Variants in SGCZ observed in about 807,000 individuals in gnomAD.
SGCZ encodes the protein sarcoglycan zeta.
A neutral mutation model predicts 41.3 loss-of-function variants in SGCZ; 40 were observed. The observed-to-expected ratio is 0.97, with a 90% CI of 0.75 to 1.26. The LOEUF is 1.26. Among genes scored for constraint, SGCZ ranks in the 50% most tolerant of loss-of-function variants. The pLI is 0.00. For synonymous variants in SGCZ, 206 were observed against 137.5 expected (o/e 1.50, Z -3.49); for missense variants, 552 against 369.8 (o/e 1.49, Z -4.04).
intron 5 of SGCZ, among the ~76,000 whole-genome samples, chr8:14,127,948 G>T (rs11993274): frequency 2.0e-5 from 3 of 152,034 alleles, no homozygotes; most frequent in East Asian, 1.9e-4. Flanking sequence ...GTAGACCAAA[G>T]TGTCTGTTGT....
chr8:15,096,723 G>C (rs1244456437), intron 1 of SGCZ, among the ~76,000 whole-genome samples: 1 of 151,562 alleles, frequency 6.6e-6, no homozygotes, highest in African/African-American at 2.4e-5. Context: ...GTCTCGCTCT[G>C]TCTCCAGGCT....
intron 1 of SGCZ, among the ~76,000 whole-genome samples, chr8:14,676,525 G>T (rs1003386223): frequency 1.3e-5 from 2 of 152,104 alleles, no homozygotes; most frequent in Non-Finnish European, 2.9e-5. Flanking sequence ...CTCTATCAGA[G>T]TAAACCTCAA....
At chr8:14,398,409 C>G (rs1168220184) in intron 2 of SGCZ, among the ~76,000 whole-genome samples, 1 of 150,738 alleles carries the variant, frequency 6.6e-6, no homozygotes, top group East Asian at 1.9e-4. Context: ...CCGTAAGGTT[C>G]TTTTCACTTT....
intron 1 of SGCZ, among the ~76,000 whole-genome samples, chr8:15,182,393 G>T (rs919380500): frequency 3.3e-5 from 5 of 151,956 alleles, no homozygotes; most frequent in Non-Finnish European, 5.9e-5. Flanking sequence ...GTATACTTAA[G>T]CACACACCTA....
intron 2 of SGCZ, among the ~76,000 whole-genome samples, chr8:14,436,363 C>T (rs770147182): frequency 3.3e-5 from 5 of 152,140 alleles, no homozygotes; most frequent in South Asian, 2.1e-4. Flanking sequence ...CTTTGTTCTT[C>T]GCATGAACTT....
At chr8:14,167,988 C>A (rs1563163977) in intron 4 of SGCZ, among the ~76,000 whole-genome samples, 1 of 152,110 alleles carries the variant, frequency 6.6e-6, no homozygotes, top group Non-Finnish European at 1.5e-5. Flanking sequence ...CCTCTTGGTA[C>A]TATTTAGCAG....
At chr8:14,803,054 T>C (rs1421445177) in intron 1 of SGCZ, among the ~76,000 whole-genome samples, 1 of 152,204 alleles carries the variant, frequency 6.6e-6, no homozygotes, top group African/African-American at 2.4e-5. Flanking sequence ...CTTTTAAATT[T>C]ATTCCTGTAT....
At chr8:14,182,775 G>A (rs569255869) in intron 4 of SGCZ, among the ~76,000 whole-genome samples, 5 of 152,168 alleles carry the variant, frequency 3.3e-5, no homozygotes, top group East Asian at 1.9e-4. Context: ...TTGGGAGGCC[G>A]AGAGGGGGCG....
chr8:14,146,890 A>AAAAAAAAAAATAATAAT lies in SGCZ; in HGVS notation c.547+17689_547+17690insATTATTATTTTTTTTTT, dbSNP rs1182329393. Among the ~76,000 whole-genome samples the AAAAAAAAAAATAATAAT allele has an allele frequency of 3.4e-3, 390 of 115,596 alleles. 15 individuals carry two copies. The highest frequency in any genetic ancestry group is 5.0e-3 in the Non-Finnish European group (278 of 55,088). The allele number at this position is 115,596 out of a possible 152,430, so 75.8% of individuals were successfully genotyped here. On this transcript the variant is annotated intron_variant, in intron 5 of 7. Coordinates refer to ENST00000382080, the MANE Select transcript of SGCZ (RefSeq NM_139167.4). Reference sequence around the variant, plus strand: ...CCGTCTCAAAAAATAAAAATAAAAAAAATAATAATAATAATAACTACAGCA... The same window carrying AAAAAAAAAAATAATAAT: ...CCGTCTCAAAAAATAAAAATAAAAAAAAAAAAAAAATAATAATAATAATAATAATAATAACTACAGCA...
intron 1 of SGCZ, among the ~76,000 whole-genome samples, chr8:14,842,169 T>A (rs556408087): frequency 9.2e-5 from 14 of 151,358 alleles, no homozygotes; most frequent in African/African-American, 3.4e-4. Context: ...TCAGGATAAA[T>A]CTTCTGAAGT....
At chr8:14,102,153 T>A (rs1802050446) in intron 7 of SGCZ, among the ~76,000 whole-genome samples, 1 of 150,410 alleles carries the variant, frequency 6.6e-6, no homozygotes. Flanking sequence ...TTAGCCAGGA[T>A]GTTCTTGATC....
chr8:15,211,661 C>A (rs970596689), intron 1 of SGCZ, among the ~76,000 whole-genome samples: 3 of 152,136 alleles, frequency 2.0e-5, no homozygotes, highest in Non-Finnish European at 4.4e-5. Flanking sequence ...CATCTCTAAA[C>A]TAGTTCTCTA....
At chr8:14,749,220 A>C (rs1799426611) in intron 1 of SGCZ, among the ~76,000 whole-genome samples, 8 of 152,288 alleles carry the variant, frequency 5.3e-5, no homozygotes, top group Middle Eastern at 3.4e-3. Context: ...TATTTGATTT[A>C]CTTTATCACT....
intron 1 of SGCZ, among the ~76,000 whole-genome samples, chr8:14,629,311 T>C (rs1048101460): frequency 6.6e-6 from 1 of 151,512 alleles, no homozygotes; most frequent in African/African-American, 2.4e-5. Flanking sequence ...ATAGGTGATC[T>C]TTTTAAAAAT....
chr8:14,362,760 C>G (rs1291598282), intron 2 of SGCZ, among the ~76,000 whole-genome samples: 2 of 152,178 alleles, frequency 1.3e-5, no homozygotes, highest in Non-Finnish European at 2.9e-5. Context: ...ATGCAGAAAT[C>G]ACCCATCTTC....
intron 1 of SGCZ, among the ~76,000 whole-genome samples, chr8:15,081,337 A>C (rs1805739708): frequency 6.6e-6 from 1 of 152,194 alleles, no homozygotes; most frequent in Non-Finnish European, 1.5e-5. Context: ...TCTGAGATGC[A>C]TTTTTACTTT....
At chr8:14,238,234 AT>A (rs1806838735) in intron 3 of SGCZ, among the ~76,000 whole-genome samples, 1 of 152,138 alleles carries the variant, frequency 6.6e-6, no homozygotes, top group Admixed American at 6.5e-5. Flanking sequence ...TGTTTATTTA[AT>A]TTTGTCACAA....
At position 14,911,967 on chromosome 8, in the gene SGCZ, C is replaced by T. The variant is rs1292334865; in HGVS notation, c.39+325618G>A. 2.4e-4 allele frequency among the ~76,000 whole-genome samples: 37 copies of T among 151,928 alleles called. 1 individual carries two copies. The highest frequency in any genetic ancestry group is 1.0e-4 in the Non-Finnish European group (7 of 67,876). On this transcript the variant is annotated intron_variant, in intron 1 of 7. Transcript: ENST00000382080. ...CAGGTTTTAAAATATTAGTACTATT[C>T]TAATAAACTACTGCTTACACTATTT... is the stretch of plus-strand genomic sequence containing the variant.
chr8:14,965,054 T>C (rs1033887213), intron 1 of SGCZ, among the ~76,000 whole-genome samples: 4 of 152,128 alleles, frequency 2.6e-5, no homozygotes, highest in African/African-American at 7.2e-5. Flanking sequence ...GTAAGACTTC[T>C]ACATGCTAAG....
Sources: gnomAD v4.1 joint callset for allele counts (sites outside exome capture counted in the v4.1 genomes callset) on GRCh38, gnomAD v4.1.1 for gene constraint, MANE v1.5 for transcripts, NCBI Gene and HGNC (gene_info 2026-07-23, HGNC 2026-07-21) for gene names.